Variants in UBAC1 observed in about 807,000 individuals in gnomAD.
UBAC1 encodes the protein ubiquitin-associated domain-containing protein 1.
A neutral mutation model predicts 45.9 loss-of-function variants in UBAC1; 27 were observed. The observed-to-expected ratio is 0.59, with a 90% CI of 0.43 to 0.81. UBAC1 has a LOEUF of 0.81. Ranked by LOEUF, UBAC1 falls within the 30% of genes least tolerant of loss-of-function variation. The probability of loss-of-function intolerance (pLI) is 0.00; values close to 1 mark genes in which losing one functional copy is unlikely to be tolerated. For synonymous variants in UBAC1, 227 were observed against 215.5 expected (o/e 1.05, Z -0.47); for missense variants, 529 against 539.2 (o/e 0.98, Z 0.19).
At position 135,933,473 on chromosome 9, in the gene UBAC1, C is replaced by A; in HGVS notation, c.1145G>T (p.Trp382Leu). 1.2e-6 allele frequency: 2 copies of A among 1,614,130 alleles called. No individual in the cohort carries two copies. Among genetic ancestry groups the A allele is most frequent in the South Asian group, 2.2e-5 (2 of 91,088 alleles). Residue 382 changes from tryptophan to leucine, a missense_variant, in exon 10 of 10, where the codon TGG becomes TTG. Physicochemically the swap from Trp to Leu is moderately conservative, Grantham distance 61. Transcript: ENST00000371756. ...AGGCCCCGTTTCTGGATCATTCATC[C>A]ACTGGGTGCTGTTCAGTGGGTTCTC... The part of the protein sequence containing the change: ...MLENPLNSTQ[W>L]MNDPETGPVM...
chr9:135,955,287 A>G lies in UBAC1; in HGVS notation c.259+8T>C, dbSNP rs1038098686. 25 of 1,555,848 alleles carry G rather than the reference A, an allele frequency of 1.6e-5. No individual in the cohort carries two copies. In the Admixed American group the frequency reaches 5.3e-4, roughly 33 times the overall value. On this transcript the variant is annotated splice_region_variant and intron_variant, in intron 2 of 9. Coordinates refer to ENST00000371756, the MANE Select transcript of UBAC1 (RefSeq NM_016172.3). ...TGCTGCCAACCCGCCCGCCCACAGC[A>G]GCCTTACCTTGGTCCTGGATGTTCT...
At chr9:135,936,685 G>A (rs1839206055) in intron 9 of UBAC1, among the ~76,000 whole-genome samples, 1 of 152,234 alleles carries the variant, frequency 6.6e-6, no homozygotes, top group Non-Finnish European at 1.5e-5. Flanking sequence ...AGTAAAGACA[G>A]CGTTTCACCA....
chr9:135,946,239 C>T (rs1274950663), intron 5 of UBAC1, 30 bp downstream of exon 5: 12 of 1,511,422 alleles, frequency 7.9e-6, no homozygotes, highest in Middle Eastern at 1.8e-4. Flanking sequence ...GTGAACCGCC[C>T]TGGAATGCAG....
rs149265068 is a variant in UBAC1 at position 135,945,121 on chromosome 9, C to A, written c.783G>T (p.Ala261=). Reference sequence around the variant, plus strand: ...CCTCCTCATCGGTGGCGCTGGCTCCCGCGGCAGCCTCGGAGGCAGCTGCTG... The same window carrying A: ...CCTCCTCATCGGTGGCGCTGGCTCCAGCGGCAGCCTCGGAGGCAGCTGCTG... ...GATAAASEAA[A]GASATDEEAR... The change falls in exon 7 of 10, where the codon GCG becomes GCT. Residue 261 remains alanine (A), a synonymous_variant. Transcript: ENST00000371756. 6.2e-7 allele frequency: 1 copy of A among 1,614,024 alleles called. No individual in the cohort carries two copies. The highest frequency in any genetic ancestry group is 1.6e-4 in the Middle Eastern group (1 of 6,062).
intron 3 of UBAC1, among the ~76,000 whole-genome samples, chr9:135,948,799 G>C (rs1839370744): frequency 6.6e-6 from 1 of 152,238 alleles, no homozygotes; most frequent in South Asian, 2.1e-4. Context: ...CCTCTGGAAG[G>C]TGACACATGC....
intron 9 of UBAC1, among the ~76,000 whole-genome samples, chr9:135,937,046 C>T (rs1167030437): frequency 2.0e-5 from 3 of 152,198 alleles, no homozygotes; most frequent in South Asian, 2.1e-4. Flanking sequence ...GTTCTACAGG[C>T]GGCCAATACG....
At chr9:135,958,738 G>A (rs1442438387) in intron 1 of UBAC1, among the ~76,000 whole-genome samples, 1 of 152,160 alleles carries the variant, frequency 6.6e-6, no homozygotes, top group Non-Finnish European at 1.5e-5. Context: ...CAACTCGAGG[G>A]TTCTCTTTTC....
At chr9:135,954,545 C>T (rs971346913) in intron 2 of UBAC1, among the ~76,000 whole-genome samples, 4 of 152,218 alleles carry the variant, frequency 2.6e-5, no homozygotes, top group Non-Finnish European at 5.9e-5. Context: ...GGTACAAGCT[C>T]CCAGGCCTGG....
rs28757690 is a variant in UBAC1, at chr9:135,945,157, G to A, written c.747C>T (p.Ala249=). ...CGGAGGCAGCTGCTGTGGCCCCCTC[G>A]GCCTCTGGGGGAGCTTGGCCAGGAA... is the stretch of plus-strand genomic sequence containing the variant. ...TPLPGQAPPE[A]EGATAAASEA... Residue 249 remains alanine (A), a synonymous_variant, in exon 7 of 10, where the codon GCC becomes GCT. Transcript: ENST00000371756. 4.5e-3 allele frequency: 7,311 copies of A among 1,613,656 alleles called. 279 individuals carry two copies. The African/African-American group carries it at 0.083, about 18-fold the overall frequency.
At chr9:135,939,918 A>G (rs1184889453) in intron 7 of UBAC1, among the ~76,000 whole-genome samples, 159 bp from the exon 8 acceptor site, 1 of 152,240 alleles carries the variant, frequency 6.6e-6, no homozygotes, top group African/African-American at 2.4e-5. Flanking sequence ...CAGCTCTGCT[A>G]AAACAGATCT....
chr9:135,945,218 A>C lies in UBAC1; in HGVS notation c.686T>G (p.Ile229Ser), dbSNP rs142082711. 1.2e-6 allele frequency: 2 copies of C among 1,605,272 alleles called. No homozygotes were observed. Among genetic ancestry groups the C allele is most frequent in the South Asian group, 2.2e-5 (2 of 90,348 alleles). The change falls in exon 7 of 10, where the codon ATT becomes AGT. Residue 229 changes from isoleucine to serine, a missense_variant. Transcript: ENST00000371756. The part of the protein sequence containing the change: ...MSVPQAMEWL[I>S]EHAEDPTIDT... The stretch of plus-strand genomic sequence containing the variant: ...TATGGTCGGGTCTTCTGCGTGTTCA[A>C]TTAGCCACTCCATGGCCTGAGGCAC...
chr9:135,939,872 G>T, intron 7 of UBAC1, 113 bp from the exon 8 acceptor site: 1 of 803,506 alleles, frequency 1.2e-6, no homozygotes, highest in Non-Finnish European at 2.1e-6. Flanking sequence ...GCTCCCAACA[G>T]CACTGAGGAC....
In UBAC1 at chr9:135,959,172, C is replaced by A. The variant is rs116796992; in HGVS notation, c.138+1853G>T. Among the ~76,000 whole-genome samples, 1,165 of 152,240 alleles carry A rather than the reference C, an allele frequency of 7.7e-3. 15 individuals are homozygous for A. Among genetic ancestry groups the A allele is most frequent in the African/African-American group, 0.026 (1,098 of 41,538 alleles). ...TGAGTTAAAGTAAATGCCGTGCCAACGCAGGGGACATCCCATGTCGATGCA... is the reference window on the plus strand; with the variant it reads ...TGAGTTAAAGTAAATGCCGTGCCAAAGCAGGGGACATCCCATGTCGATGCA... On this transcript the variant is annotated intron_variant, in intron 1 of 9. Transcript: ENST00000371756.
At chr9:135,960,881 G>T in intron 1 of UBAC1, 144 bp downstream of exon 1, 1 of 663,416 alleles carries the variant, frequency 1.5e-6, no homozygotes, top group Non-Finnish European at 2.3e-6. Flanking sequence ...AGGAGGCGCT[G>T]CCTCCACCCC....
rs773881513 is a variant in UBAC1 at position 135,945,983 on chromosome 9, C to T, written c.559G>A (p.Asp187Asn). The T allele has an allele frequency of 4.3e-6, 7 of 1,613,850 alleles. No individual in the cohort carries two copies. The highest frequency in any genetic ancestry group is 5.9e-6 in the Non-Finnish European group (7 of 1,180,034). ...FKKANAMLDE[D>N]EDERVDEAAL... ...GCCTCGTCCACACGCTCATCCTCGT[C>T]CTCGTCCAGCATTGCTGCAGGGAGA... The change falls in exon 6 of 10, where the codon GAC (aspartate) becomes AAC (asparagine). Residue 187 changes from aspartate to asparagine, a missense_variant. Coordinates refer to ENST00000371756, the MANE Select transcript of UBAC1 (RefSeq NM_016172.3).
At chr9:135,938,074 T>C (rs1839220375) in intron 9 of UBAC1, 148 bp downstream of exon 9, 1 of 1,285,166 alleles carries the variant, frequency 7.8e-7, no homozygotes, top group Non-Finnish European at 1.1e-6. Flanking sequence ...ACCCGCAGGA[T>C]GCCAACCTGC....
intron 9 of UBAC1, among the ~76,000 whole-genome samples, chr9:135,934,254 T>C (rs62585226): frequency 0.16 from 24,260 of 152,158 alleles, 2,103 homozygotes; most frequent in East Asian, 0.27. Flanking sequence ...AGCCCATGGC[T>C]GAGCACAGAG....
chr9:135,944,284 T>C (rs1839300175), intron 7 of UBAC1, among the ~76,000 whole-genome samples: 1 of 152,036 alleles, frequency 6.6e-6, no homozygotes. Context: ...TCACCCCAGG[T>C]GGATGTCTAC....
intron 3 of UBAC1, among the ~76,000 whole-genome samples, chr9:135,952,898 T>A (rs1417563330): frequency 6.6e-6 from 1 of 152,266 alleles, no homozygotes; most frequent in African/African-American, 2.4e-5. Flanking sequence ...ATGCTGAGGC[T>A]GTGCGGTGTG....
Sources: gnomAD v4.1 joint callset for allele counts (sites outside exome capture counted in the v4.1 genomes callset) on GRCh38, gnomAD v4.1.1 for gene constraint, MANE v1.5 for transcripts, NCBI Gene and HGNC (gene_info 2026-07-23, HGNC 2026-07-21) for gene names.